RETREG1: variants seen among roughly 807,000 people sequenced by gnomAD.
The protein encoded by RETREG1 is reticulophagy regulator 1, also known as family with sequence similarity 134 member B.
Under a neutral mutation model 54.8 loss-of-function variants are expected in RETREG1, and 44 were observed. The observed-to-expected ratio is 0.80, with a 90% CI of 0.63 to 1.03. The LOEUF is 1.03. RETREG1 is among the 50% of genes least tolerant of loss of function. The pLI is 0.00. For missense variants in RETREG1, 554 were observed against 605.1 expected (o/e 0.92, Z 0.89); for synonymous variants, 217 against 238.5 (o/e 0.91, Z 0.83).
chr5:16,535,682 C>A (rs1352656433), intron 3 of RETREG1, among the ~76,000 whole-genome samples: 5 of 114,290 alleles, frequency 4.4e-5, no homozygotes, highest in Non-Finnish European at 5.2e-5. Context: ...AGCTGGGGTT[C>A]CTGTGTGCAC....
intron 3 of RETREG1, among the ~76,000 whole-genome samples, chr5:16,519,584 A>T (rs1204672808): frequency 6.6e-6 from 1 of 152,160 alleles, no homozygotes; most frequent in African/African-American, 2.4e-5. Flanking sequence ...GTTTTCCTCA[A>T]AGCTCCTTTC....
At chr5:16,553,969 A>T (rs920684997) in intron 3 of RETREG1, among the ~76,000 whole-genome samples, 1 of 152,166 alleles carries the variant, frequency 6.6e-6, no homozygotes, top group African/African-American at 2.4e-5. Context: ...GACCATGAGG[A>T]TAAGATTTAA....
At chr5:16,518,659 C>T (rs1740436901) in intron 3 of RETREG1, among the ~76,000 whole-genome samples, 2 of 152,214 alleles carry the variant, frequency 1.3e-5, no homozygotes, top group South Asian at 2.1e-4. Flanking sequence ...TACCCACTCA[C>T]TTGGGACACA....
chr5:16,508,534 G>A (rs1579625859), intron 3 of RETREG1: 1 of 1,560,282 alleles, frequency 6.4e-7, no homozygotes, highest in East Asian at 2.2e-5. Context: ...ACTAGCCAGT[G>A]AAACAGACTG....
At chr5:16,485,038 T>C (rs748510247) in intron 3 of RETREG1, among the ~76,000 whole-genome samples, 21 of 152,138 alleles carry the variant, frequency 1.4e-4, no homozygotes, top group Non-Finnish European at 3.1e-4. Flanking sequence ...CAGATATCTG[T>C]GGCAAAATCT....
chr5:16,518,967 T>C (rs891674210), intron 3 of RETREG1, among the ~76,000 whole-genome samples: 4 of 152,198 alleles, frequency 2.6e-5, no homozygotes, highest in African/African-American at 7.2e-5. Flanking sequence ...AATAAGGGTA[T>C]GGAACTAGTA....
At chr5:16,491,934 G>T (rs1739264850) in intron 3 of RETREG1, among the ~76,000 whole-genome samples, 1 of 152,170 alleles carries the variant, frequency 6.6e-6, no homozygotes, top group South Asian at 2.1e-4. Context: ...CTGAAAATCG[G>T]TATTTCATAT....
At chr5:16,562,153 T>C (rs955283927) in intron 3 of RETREG1, among the ~76,000 whole-genome samples, 1 of 151,878 alleles carries the variant, frequency 6.6e-6, no homozygotes, top group Non-Finnish European at 1.5e-5. Flanking sequence ...CCATCTCTAG[T>C]AAAAATACAA....
At chr5:16,510,182 G>T (rs1283104673) in intron 3 of RETREG1, among the ~76,000 whole-genome samples, 1 of 152,078 alleles carries the variant, frequency 6.6e-6, no homozygotes, top group Non-Finnish European at 1.5e-5. Flanking sequence ...CTTTCTTTTG[G>T]ATAGTGTTAG....
At chr5:16,547,751 A>G (rs780608588) in intron 3 of RETREG1, among the ~76,000 whole-genome samples, 1 of 152,226 alleles carries the variant, frequency 6.6e-6, no homozygotes, top group Non-Finnish European at 1.5e-5. Flanking sequence ...ACACGCACAC[A>G]TATAACATTT....
rs1164649327 is a variant in RETREG1, at chr5:16,594,582, G to C, written c.320+22070C>G. On this transcript the variant is annotated intron_variant, in intron 1 of 8. Transcript: ENST00000306320. The surrounding 1 kb of genome is among the most constrained non-coding windows in gnomAD (Gnocchi z 4.4). ...TCTACTAAAAATACAAAAATTAGCT[G>C]GGCGTGGTGGCGCATGTCTGTAGTC... Among the ~76,000 whole-genome samples, 3 of 151,952 alleles carry C rather than the reference G, an allele frequency of 2.0e-5. No individual in the cohort carries two copies. Among genetic ancestry groups the C allele is most frequent in the African/African-American group, 7.3e-5 (3 of 41,362 alleles).
intron 5 of RETREG1, among the ~76,000 whole-genome samples, chr5:16,480,108 G>A (rs1738702473): frequency 6.6e-6 from 1 of 151,864 alleles, no homozygotes; most frequent in Non-Finnish European, 1.5e-5. Flanking sequence ...GTTTTCTCAT[G>A]GTTTTATTCA....
chr5:16,601,665 C>T (rs531051189), intron 1 of RETREG1, among the ~76,000 whole-genome samples: 32 of 152,010 alleles, frequency 2.1e-4, no homozygotes, highest in African/African-American at 5.3e-4. Flanking sequence ...CAAAGTGCTG[C>T]GATTATAGGC....
intron 3 of RETREG1, among the ~76,000 whole-genome samples, chr5:16,520,924 CA>C (rs1561102292): frequency 6.6e-6 from 1 of 152,024 alleles, no homozygotes; most frequent in Non-Finnish European, 1.5e-5. Context: ...CGGAGAGGGA[CA>C]GGGGGCAGTT....
chr5:16,597,668 T>C lies in RETREG1; in HGVS notation c.320+18984A>G, dbSNP rs1742941385. On this transcript the variant is annotated intron_variant, in intron 1 of 8. Coordinates refer to ENST00000306320, the MANE Select transcript of RETREG1 (RefSeq NM_001034850.3). This position sits in a 1 kb window ranked among gnomAD's most constrained non-coding sequence, Gnocchi z 4.3. ...GAGTGACCCCACCAGTGGCTTCCTATAGAAAACAGACTTCCCCTTGCTGCC... is the reference window on the plus strand; with the variant it reads ...GAGTGACCCCACCAGTGGCTTCCTACAGAAAACAGACTTCCCCTTGCTGCC... 6.6e-6 allele frequency among the ~76,000 whole-genome samples: 1 copy of C among 152,104 alleles called. No individual in the cohort carries two copies.
At chr5:16,477,163 C>A (rs562713678) in intron 8 of RETREG1, among the ~76,000 whole-genome samples, 1 of 152,072 alleles carries the variant, frequency 6.6e-6, no homozygotes, top group Non-Finnish European at 1.5e-5. Flanking sequence ...CAAATTTGGA[C>A]ATTGACTGAT....
At chr5:16,545,460 G>T (rs1030212235) in intron 3 of RETREG1, among the ~76,000 whole-genome samples, 2 of 152,082 alleles carry the variant, frequency 1.3e-5, no homozygotes, top group Non-Finnish European at 2.9e-5. Flanking sequence ...AAAGGGGGCT[G>T]CTAATTCCTG....
chr5:16,485,083 G>A (rs1032107720), intron 3 of RETREG1, among the ~76,000 whole-genome samples: 1 of 152,016 alleles, frequency 6.6e-6, no homozygotes, highest in East Asian at 1.9e-4. Flanking sequence ...AAAAGATTTT[G>A]CACCAGAGAG....
chr5:16,547,406 A>G (rs1741418294), intron 3 of RETREG1, among the ~76,000 whole-genome samples: 3 of 152,224 alleles, frequency 2.0e-5, no homozygotes, highest in Non-Finnish European at 2.9e-5. Flanking sequence ...GGTTTCTTCC[A>G]AATAAAAATA....
Sources: gnomAD v4.1 joint callset for allele counts (sites outside exome capture counted in the v4.1 genomes callset) on GRCh38, gnomAD v4.1.1 for gene constraint, Gnocchi (gnomAD v3.1) non-coding constraint, MANE v1.5 for transcripts, NCBI Gene and HGNC (gene_info 2026-07-23, HGNC 2026-07-21) for gene names.